Variants in TMEM135 observed in about 807,000 individuals in gnomAD.
TMEM135 encodes the protein peroxisomal membrane protein 52.
A neutral mutation model predicts 60.3 loss-of-function variants in TMEM135; 30 were observed. That is an observed-to-expected ratio of 0.50 (90% CI 0.37 to 0.68). The LOEUF is 0.68. TMEM135 is among the 30% of genes least tolerant of loss of function. The probability of loss-of-function intolerance (pLI) is 0.00; values close to 1 mark genes in which losing one functional copy is unlikely to be tolerated. For missense variants in TMEM135, 468 were observed against 548.8 expected (o/e 0.85, Z 1.47); for synonymous variants, 190 against 186.7 (o/e 1.02, Z -0.14).
At chr11:87,305,827 C>CTTTTT (rs199727648) in intron 8 of TMEM135, 109 bp from the exon 9 acceptor site, 12 of 421,040 alleles carry the variant, frequency 2.9e-5, no homozygotes, top group African/African-American at 2.6e-4. Context: ...TCTTCTCTCT[C>CTTTTT]TTTTTTTTTT....
intron 6 of TMEM135, 107 bp downstream of exon 6, chr11:87,236,791 A>C: frequency 9.0e-7 from 1 of 1,109,736 alleles, no homozygotes; most frequent in Non-Finnish European, 1.4e-6. Flanking sequence ...CCTTACAAGC[A>C]GCATACTCCC....
chr11:87,081,878 TTA>T (rs1294171235), intron 3 of TMEM135, among the ~76,000 whole-genome samples: 1 of 152,202 alleles, frequency 6.6e-6, no homozygotes, highest in East Asian at 1.9e-4. Flanking sequence ...TTTAACTTCT[TTA>T]TAACTGTTAT....
intron 4 of TMEM135, among the ~76,000 whole-genome samples, chr11:87,098,757 C>T (rs1475963233): frequency 1.3e-5 from 2 of 151,888 alleles, no homozygotes; most frequent in Non-Finnish European, 2.9e-5. Flanking sequence ...GGTGCCATGT[C>T]GGCTCACTGC....
chr11:87,174,755 C>T (rs1297634450), intron 5 of TMEM135, among the ~76,000 whole-genome samples: 1 of 152,094 alleles, frequency 6.6e-6, no homozygotes, highest in Non-Finnish European at 1.5e-5. Flanking sequence ...CCAATCATAT[C>T]CCTTTGTTCA....
chr11:87,123,469 G>C (rs1407025726), intron 4 of TMEM135, among the ~76,000 whole-genome samples: 1 of 152,082 alleles, frequency 6.6e-6, no homozygotes, highest in African/African-American at 2.4e-5. Flanking sequence ...CCTGTCATTG[G>C]ATTTGGTGCT....
intron 3 of TMEM135, among the ~76,000 whole-genome samples, chr11:87,089,063 G>C (rs1857153554): frequency 6.6e-6 from 1 of 152,138 alleles, no homozygotes; most frequent in African/African-American, 2.4e-5. Context: ...TTTTTGCCAA[G>C]TATAAGGTGT....
chr11:87,103,026 G>A (rs1423736561), intron 4 of TMEM135, among the ~76,000 whole-genome samples: 1 of 152,084 alleles, frequency 6.6e-6, no homozygotes, highest in Non-Finnish European at 1.5e-5. Context: ...GTGAGATCAT[G>A]TGGTATTTTT....
intron 4 of TMEM135, among the ~76,000 whole-genome samples, chr11:87,120,567 G>A (rs1419201037): frequency 1.4e-5 from 2 of 143,328 alleles, no homozygotes; most frequent in Non-Finnish European, 3.0e-5. Flanking sequence ...CACCTCCCTG[G>A]TTCAAGCGAT....
chr11:87,068,936 A>T (rs553417803), intron 2 of TMEM135, among the ~76,000 whole-genome samples: 9 of 152,208 alleles, frequency 5.9e-5, no homozygotes, highest in African/African-American at 1.9e-4. Context: ...CTTTTATACT[A>T]TTGAACAAAT....
At chr11:87,049,698 C>G (rs1393766815) in intron 1 of TMEM135, among the ~76,000 whole-genome samples, 4 of 92,052 alleles carry the variant, frequency 4.3e-5, no homozygotes, top group South Asian at 8.1e-4. Flanking sequence ...GAGACTTAGA[C>G]TCCCACACAT....
At chr11:87,086,791 C>A (rs762982549) in intron 3 of TMEM135, among the ~76,000 whole-genome samples, 16 of 152,146 alleles carry the variant, frequency 1.1e-4, no homozygotes, top group Admixed American at 8.5e-4. Context: ...TTAATCTGGT[C>A]TGTGGATTTG....
intron 6 of TMEM135, among the ~76,000 whole-genome samples, chr11:87,241,229 C>CTAATATATTATAATATATAAA (rs1941125980): frequency 1.3e-5 from 2 of 151,934 alleles, no homozygotes; most frequent in Non-Finnish European, 2.9e-5. Flanking sequence ...TATAAACATA[C>CTAATATATTATAATATATAAA]CTTAGTATAT....
chr11:87,126,983 A>G (rs143283762), intron 4 of TMEM135, among the ~76,000 whole-genome samples: 36 of 152,328 alleles, frequency 2.4e-4, no homozygotes, highest in East Asian at 1.3e-3. Flanking sequence ...GAATACATAT[A>G]TAAGTGTAGA....
At chr11:87,242,256 G>A (rs1013729618) in intron 6 of TMEM135, among the ~76,000 whole-genome samples, 6 of 151,626 alleles carry the variant, frequency 4.0e-5, no homozygotes, top group Non-Finnish European at 5.9e-5. Flanking sequence ...TATCATTGTC[G>A]GACATTTGGG....
intron 5 of TMEM135, among the ~76,000 whole-genome samples, chr11:87,202,760 C>T (rs1440074716): frequency 6.2e-4 from 92 of 148,542 alleles, no homozygotes; most frequent in East Asian, 2.0e-4. Context: ...AGACCGGGCA[C>T]GGTGGCTCAA....
intron 4 of TMEM135, among the ~76,000 whole-genome samples, chr11:87,102,461 T>C (rs1219222888): frequency 6.6e-6 from 1 of 152,098 alleles, no homozygotes. Flanking sequence ...ACTGGAACTA[T>C]CATATTCCTG....
chr11:87,155,552 A>T (rs1938672742), intron 4 of TMEM135, among the ~76,000 whole-genome samples: 2 of 152,170 alleles, frequency 1.3e-5, no homozygotes, highest in African/African-American at 4.8e-5. Context: ...GTACACCAAG[A>T]CATCAGATTG....
chr11:87,113,097 TC>T (rs1369019426), intron 4 of TMEM135, among the ~76,000 whole-genome samples: 7 of 152,236 alleles, frequency 4.6e-5, no homozygotes, highest in African/African-American at 1.7e-4. Flanking sequence ...AGAATATGTC[TC>T]TAAGGCATGC....
Position 87,037,938 on chromosome 11 carries a change from C to G in TMEM135, c.-108C>G, listed in dbSNP as rs149421557. 1 of 1,530,398 alleles carries G rather than the reference C, an allele frequency of 6.5e-7. No individual in the cohort carries two copies. The highest frequency in any genetic ancestry group is 1.4e-5 in the African/African-American group (1 of 73,444). The allele number at this position is 1,530,398 out of a possible 1,614,324, so 94.8% of individuals were successfully genotyped here. A position where few individuals can be genotyped will look rare whatever the true frequency, so the allele number is the denominator to read the frequency against. On this transcript the variant is annotated 5_prime_UTR_variant, in exon 1 of 15. Coordinates refer to ENST00000305494, the MANE Select transcript of TMEM135 (RefSeq NM_022918.4). Reference sequence around the variant, plus strand: ...CTCTCGTGACCTTTCCCCTCCATTCCGCACCTCCGAGTGCTGGCCGGGCGA... The same window carrying G: ...CTCTCGTGACCTTTCCCCTCCATTCGGCACCTCCGAGTGCTGGCCGGGCGA...
Sources: allele counts gnomAD v4.1 joint callset (sites outside exome capture counted in the v4.1 genomes callset), GRCh38; gene constraint gnomAD v4.1.1; transcripts MANE v1.5; gene names NCBI Gene and HGNC (gene_info 2026-07-23, HGNC 2026-07-21).